The following SKAP1 variants were observed in gnomAD, a reference collection of about 807,000 sequenced individuals.
SKAP1 encodes the protein src kinase associated phosphoprotein 1.
Under a neutral mutation model 58.5 loss-of-function variants are expected in SKAP1, and 44 were observed. The ratio of observed to expected loss-of-function variants is 0.75; its 90% CI spans 0.59 to 0.97. The LOEUF is 0.97. SKAP1 is among the 50% of genes least tolerant of loss of function. The pLI is 0.00. For missense variants in SKAP1, 390 were observed against 435.2 expected (o/e 0.90, Z 0.92); for synonymous variants, 127 against 149.7 (o/e 0.85, Z 1.11).
chr17:48,430,164 C>G lies in SKAP1; in HGVS notation c.-44G>C, dbSNP rs574878667. ...GGCGGGACGGGGCGCGGGCCCTGGT[C>G]GGGAGGCGGACGGGCTGGAAGGCGA... On this transcript the variant is annotated 5_prime_UTR_variant, in exon 1 of 13. Transcript: ENST00000336915. The G allele has an allele frequency of 1.1e-5, 13 of 1,148,204 alleles. No individual in the cohort carries two copies. The East Asian group carries it at 5.4e-4, about 48-fold the overall frequency. 71.1% of individuals were successfully genotyped at this position (1,148,204 alleles called of 1,614,324 possible). A position where few individuals can be genotyped will look rare whatever the true frequency, so the allele number is the denominator to read the frequency against.
intron 8 of SKAP1, 41 bp downstream of exon 8, chr17:48,182,353 C>T: frequency 7.1e-7 from 1 of 1,408,576 alleles, no homozygotes; most frequent in Non-Finnish European, 9.9e-7. Context: ...ACTTCAACTG[C>T]AAATCAACTC....
intron 11 of SKAP1, among the ~76,000 whole-genome samples, chr17:48,155,286 C>A (rs577496234): frequency 6.6e-6 from 1 of 151,328 alleles, no homozygotes; most frequent in African/African-American, 2.4e-5. Context: ...CGCCACCATG[C>A]CTGGCTAATT....
At chr17:48,321,003 C>G (rs1266478855) in intron 4 of SKAP1, among the ~76,000 whole-genome samples, 1 of 152,116 alleles carries the variant, frequency 6.6e-6, no homozygotes, top group Non-Finnish European at 1.5e-5. Context: ...AATGAGCACC[C>G]TTAGCATGTG....
At chr17:48,413,523 A>AAAAAAAAAAAAAAAAAAAAAAATATATAT in intron 1 of SKAP1, among the ~76,000 whole-genome samples, 3 of 105,504 alleles carry the variant, frequency 2.8e-5, no homozygotes, top group Non-Finnish European at 5.7e-5. Context: ...TCAAAAAAAA[A>AAAAAAAAAAAAAAAAAAAAAAATATATAT]ATATATATAT....
chr17:48,431,172 T>C (rs962181129), upstream of SKAP1, among the ~76,000 whole-genome samples: 1 of 152,134 alleles, frequency 6.6e-6, no homozygotes, highest in Non-Finnish European at 1.5e-5. Flanking sequence ...AGGCCAGGCA[T>C]TGTGGCTCAC....
chr17:48,144,992 T>C (rs1007454074), intron 11 of SKAP1, among the ~76,000 whole-genome samples: 1 of 152,154 alleles, frequency 6.6e-6, no homozygotes, highest in Non-Finnish European at 1.5e-5. Flanking sequence ...GGGCTAAGAT[T>C]TAAATTATAC....
chr17:48,246,633 G>C (rs773287105), intron 4 of SKAP1, among the ~76,000 whole-genome samples: 5 of 152,206 alleles, frequency 3.3e-5, no homozygotes, highest in Non-Finnish European at 7.3e-5. Flanking sequence ...CAGAGATTAA[G>C]TGATCTGCCC....
chr17:48,380,056 A>G (rs1203848280), intron 2 of SKAP1: 3 of 152,236 alleles, frequency 2.0e-5, no homozygotes, highest in Non-Finnish European at 2.9e-5. Flanking sequence ...TATCCAAGCC[A>G]TAAAAAAATG....
rs577928809 is a variant in SKAP1 at position 48,379,284 on chromosome 17, T to C, written c.153-15470A>G. ...CAATTTGTTTCCTCATTAGAAGCTT[T>C]CATGAAGAAAATGATTTAATACAAA... On this transcript the variant is annotated intron_variant, in intron 2 of 12. Transcript: ENST00000336915. Among the ~76,000 whole-genome samples the C allele has an allele frequency of 8.5e-5, 13 of 152,334 alleles. No individual in the cohort carries two copies. In the East Asian group the frequency reaches 1.5e-3, roughly 18 times the overall value.
chr17:48,276,868 A>G (rs1317361367), intron 4 of SKAP1, among the ~76,000 whole-genome samples: 1 of 152,214 alleles, frequency 6.6e-6, no homozygotes, highest in Non-Finnish European at 1.5e-5. Context: ...GTTTCTCTGT[A>G]TCTTAGACAC....
chr17:48,282,395 A>C (rs8070322), intron 4 of SKAP1, among the ~76,000 whole-genome samples: 13,839 of 152,140 alleles, frequency 0.091, 963 homozygotes, highest in African/African-American at 0.16. Context: ...AAGTTGCAAA[A>C]ATAGTACAGA....
intron 4 of SKAP1, among the ~76,000 whole-genome samples, chr17:48,219,742 A>G (rs1014416690): frequency 4.6e-5 from 7 of 152,234 alleles, no homozygotes; most frequent in African/African-American, 1.7e-4. Flanking sequence ...CCCCATGGAG[A>G]GCTAAGTGGG....
chr17:48,287,308 G>GA (rs1431008535), intron 4 of SKAP1, among the ~76,000 whole-genome samples: 1 of 151,738 alleles, frequency 6.6e-6, no homozygotes, highest in Non-Finnish European at 1.5e-5. Flanking sequence ...AATAGAAAAT[G>GA]AAAAATATAT....
At chr17:48,401,386 A>T (rs2067497535) in intron 1 of SKAP1, among the ~76,000 whole-genome samples, 1 of 152,150 alleles carries the variant, frequency 6.6e-6, no homozygotes. Flanking sequence ...TTACCACAAA[A>T]CTACAGCAAT....
At chr17:48,266,235 C>T (rs1458985238) in intron 4 of SKAP1, among the ~76,000 whole-genome samples, 1 of 152,104 alleles carries the variant, frequency 6.6e-6, no homozygotes, top group Non-Finnish European at 1.5e-5. Flanking sequence ...TCAAATAGAT[C>T]TTAATGTAAA....
At chr17:48,178,392 C>T (rs937528660) in intron 9 of SKAP1, among the ~76,000 whole-genome samples, 1 of 152,090 alleles carries the variant, frequency 6.6e-6, no homozygotes, top group East Asian at 1.9e-4. Context: ...TTCCCCAAGC[C>T]TGGGCAGGAG....
intron 4 of SKAP1, among the ~76,000 whole-genome samples, chr17:48,345,640 T>G (rs1221058578): frequency 6.6e-6 from 1 of 152,120 alleles, no homozygotes; most frequent in Non-Finnish European, 1.5e-5. Context: ...TGAGCTACGG[T>G]TTTTATAAAA....
chr17:48,251,396 G>A (rs1224836123), intron 4 of SKAP1, among the ~76,000 whole-genome samples: 1 of 152,146 alleles, frequency 6.6e-6, no homozygotes, highest in Non-Finnish European at 1.5e-5. Flanking sequence ...TAAAGTGAAA[G>A]TAGCACCATT....
intron 1 of SKAP1, among the ~76,000 whole-genome samples, chr17:48,420,943 G>A (rs1299526498): frequency 6.6e-6 from 1 of 152,120 alleles, no homozygotes; most frequent in East Asian, 1.9e-4. Flanking sequence ...AAAGCCCCCA[G>A]GGTCAAAATC....
Sources: allele counts gnomAD v4.1 joint callset (sites outside exome capture counted in the v4.1 genomes callset), GRCh38; gene constraint gnomAD v4.1.1; transcripts MANE v1.5; gene names NCBI Gene and HGNC (gene_info 2026-07-23, HGNC 2026-07-21).